The following NKAIN2 variants were observed in gnomAD, a reference collection of about 807,000 sequenced individuals.
The protein encoded by NKAIN2 is sodium/potassium transporting ATPase interacting 2, also known as sodium/potassium-transporting ATPase subunit beta-1-interacting protein 2.
In NKAIN2, 14 loss-of-function variants were observed where a neutral mutation model predicts 32.6. That is an observed-to-expected ratio of 0.43 (90% CI 0.28 to 0.67). The LOEUF is 0.67. Among genes scored for constraint, NKAIN2 ranks in the 30% least tolerant of loss-of-function variants. The pLI, the probability that NKAIN2 is intolerant of heterozygous loss-of-function variation, is 0.17. For synonymous variants in NKAIN2, 80 were observed against 87.2 expected, an observed-to-expected ratio of 0.92 and a Z score of 0.46; for missense variants, 198 against 258.3, an observed-to-expected ratio of 0.77 and a Z score of 1.60.
At chr6:123,967,562 C>A (rs751100496) in intron 1 of NKAIN2, among the ~76,000 whole-genome samples, 54 of 152,160 alleles carry the variant, frequency 3.5e-4, no homozygotes, top group Non-Finnish European at 6.6e-4. Context: ...TGGGCCAGAA[C>A]TGGTGCTAGA....
At position 124,370,508 on chromosome 6, in the gene NKAIN2, TTG is replaced by T. The variant is rs1354621972; in HGVS notation, c.273+15163_273+15164del. Among the ~76,000 whole-genome samples, 5 of 152,028 alleles carry T rather than the reference TTG, an allele frequency of 3.3e-5. No individual in the cohort carries two copies. The East Asian group carries it at 7.8e-4, about 24-fold the overall frequency. ...GCTAGAGGAATGAGTCTAAGGGTAA[TTG>T]TAGGACTCCAGGGTTTTCACACTCA... is the stretch of plus-strand genomic sequence containing the variant. On this transcript the variant is annotated intron_variant, in intron 3 of 6. Transcript: ENST00000368417.
intron 1 of NKAIN2, among the ~76,000 whole-genome samples, chr6:124,096,606 G>A (rs554498169): frequency 7.0e-4 from 106 of 152,216 alleles, no homozygotes; most frequent in Non-Finnish European, 1.3e-3. Context: ...TGGGGCTATA[G>A]ATACCTTTTT....
chr6:123,994,498 C>T (rs74645003), intron 1 of NKAIN2, among the ~76,000 whole-genome samples: 5,994 of 151,996 alleles, frequency 0.039, 213 homozygotes, highest in East Asian at 0.19. Flanking sequence ...GCAGCTGCTC[C>T]GTAAGCAAAT....
chr6:124,453,162 A>G (rs1199928024), intron 3 of NKAIN2, among the ~76,000 whole-genome samples: 1 of 151,908 alleles, frequency 6.6e-6, no homozygotes, highest in Non-Finnish European at 1.5e-5. Flanking sequence ...AAGTACTCAA[A>G]CAGAGGGCAT....
At chr6:124,528,643 T>C (rs1465232971) in intron 3 of NKAIN2, among the ~76,000 whole-genome samples, 1 of 152,226 alleles carries the variant, frequency 6.6e-6, no homozygotes, top group African/African-American at 2.4e-5. Flanking sequence ...TGAAACTATC[T>C]AATTTGGGGA....
intron 1 of NKAIN2, among the ~76,000 whole-genome samples, chr6:124,218,606 A>C (rs1192576645): frequency 6.6e-6 from 1 of 152,208 alleles, no homozygotes; most frequent in African/African-American, 2.4e-5. Flanking sequence ...GCAAAACAAC[A>C]ATATTTTAAA....
At chr6:124,103,992 G>A (rs895593938) in intron 1 of NKAIN2, among the ~76,000 whole-genome samples, 44 of 152,080 alleles carry the variant, frequency 2.9e-4, no homozygotes, top group South Asian at 1.9e-3. Context: ...AGGCTGAGGC[G>A]GGACAATGGT....
At chr6:124,346,975 G>A (rs1256385420) in intron 2 of NKAIN2, among the ~76,000 whole-genome samples, 1 of 152,008 alleles carries the variant, frequency 6.6e-6, no homozygotes, top group Non-Finnish European at 1.5e-5. Context: ...GCTGGTACCG[G>A]TTGTGCCTTT....
intron 5 of NKAIN2, among the ~76,000 whole-genome samples, chr6:124,801,890 C>T (rs964488712): frequency 6.6e-6 from 1 of 152,102 alleles, no homozygotes; most frequent in South Asian, 2.1e-4. Flanking sequence ...TACTACTTTT[C>T]GGATCCATAT....
intron 2 of NKAIN2, among the ~76,000 whole-genome samples, chr6:124,309,366 T>G (rs1025990723): frequency 2.0e-5 from 3 of 152,106 alleles, no homozygotes; most frequent in Non-Finnish European, 2.9e-5. Flanking sequence ...TTGAAATTTT[T>G]GGGGGATAAT....
intron 1 of NKAIN2, among the ~76,000 whole-genome samples, chr6:123,909,347 G>A (rs1464494827): frequency 2.0e-5 from 3 of 152,088 alleles, no homozygotes; most frequent in South Asian, 2.1e-4. Context: ...TTCAAGTCAC[G>A]TCTTGCTGCA....
At chr6:124,799,495 G>A (rs995049688) in intron 5 of NKAIN2, among the ~76,000 whole-genome samples, 5 of 151,696 alleles carry the variant, frequency 3.3e-5, no homozygotes, top group South Asian at 2.1e-4. Context: ...TATGTTCATC[G>A]TTAAATAAAT....
intron 1 of NKAIN2, among the ~76,000 whole-genome samples, chr6:123,928,174 C>G (rs553975739): frequency 6.6e-6 from 1 of 152,274 alleles, no homozygotes; most frequent in South Asian, 2.1e-4. Context: ...ACTGCATGTT[C>G]TCACTTACCA....
chr6:124,493,719 A>C (rs1311995410), intron 3 of NKAIN2, among the ~76,000 whole-genome samples: 104 of 1,528 alleles, frequency 0.068, no homozygotes, highest in South Asian at 0.14. Context: ...CCCCCCTCCA[A>C]AAAAAAAAAA....
At chr6:124,553,305 A>T (rs561725728) in intron 3 of NKAIN2, among the ~76,000 whole-genome samples, 2 of 152,172 alleles carry the variant, frequency 1.3e-5, no homozygotes, top group East Asian at 3.9e-4. Flanking sequence ...CAGGATTTTT[A>T]TTTTTTGGTT....
intron 3 of NKAIN2, among the ~76,000 whole-genome samples, chr6:124,374,867 A>G (rs1254768428): frequency 1.3e-5 from 2 of 152,088 alleles, no homozygotes; most frequent in Admixed American, 1.3e-4. Context: ...AATGATAATA[A>G]TATATTAATA....
chr6:124,722,935 GCA>G (rs1776093261), intron 4 of NKAIN2, among the ~76,000 whole-genome samples: 2 of 152,140 alleles, frequency 1.3e-5, no homozygotes, highest in African/African-American at 4.8e-5. Context: ...GGTGTGGTTT[GCA>G]GATATGCCTC....
chr6:124,693,125 G>A (rs900702976), intron 4 of NKAIN2, among the ~76,000 whole-genome samples: 11 of 152,148 alleles, frequency 7.2e-5, no homozygotes, highest in African/African-American at 2.7e-4. Flanking sequence ...GAATTCTCCT[G>A]CCTTGGGGAG....
chr6:124,592,809 T>C (rs1363736581), intron 3 of NKAIN2, among the ~76,000 whole-genome samples: 1 of 152,186 alleles, frequency 6.6e-6, no homozygotes, highest in African/African-American at 2.4e-5. Context: ...GCCTATAAAA[T>C]AGGAGCATAG....
Sources: gnomAD v4.1 joint callset for allele counts (sites outside exome capture counted in the v4.1 genomes callset) on GRCh38, gnomAD v4.1.1 for gene constraint, MANE v1.5 for transcripts, NCBI Gene and HGNC (gene_info 2026-07-23, HGNC 2026-07-21) for gene names.